The following BRAF variants were observed in gnomAD, a reference collection of about 807,000 sequenced individuals.
The protein encoded by BRAF is serine/threonine-protein kinase B-raf.
Under a neutral mutation model 104.6 loss-of-function variants are expected in BRAF, and 16 were observed. The observed-to-expected ratio is 0.15, with a 90% CI of 0.10 to 0.23. BRAF has a LOEUF of 0.23. Ranked by LOEUF, BRAF falls within the 10% of genes least tolerant of loss-of-function variation. BRAF has a pLI of 1.00. For synonymous variants in BRAF, 310 were observed against 341.6 expected, an observed-to-expected ratio of 0.91 and a Z score of 1.02; for missense variants, 541 against 937.3, an observed-to-expected ratio of 0.58 and a Z score of 5.52.
At chr7:140,728,600 T>C (rs576098950) in intron 19 of BRAF, among the ~76,000 whole-genome samples, 3 of 152,094 alleles carry the variant, frequency 2.0e-5, no homozygotes, top group East Asian at 1.9e-4. Flanking sequence ...AGTAAAACAT[T>C]TGGAGTATAA....
At chr7:140,809,612 C>T (rs1001672091) in intron 3 of BRAF, among the ~76,000 whole-genome samples, 5 of 152,162 alleles carry the variant, frequency 3.3e-5, no homozygotes, top group Non-Finnish European at 5.9e-5. Flanking sequence ...CCCATACCCC[C>T]GGCAAGAGCA....
At chr7:140,815,757 GA>G (rs1285173019) in intron 3 of BRAF, among the ~76,000 whole-genome samples, 3 of 150,942 alleles carry the variant, frequency 2.0e-5, no homozygotes, top group Non-Finnish European at 3.0e-5. Flanking sequence ...TTGTTTTAAA[GA>G]AAAAAAAATT....
chr7:140,793,715 T>C (rs1192747067), intron 8 of BRAF, among the ~76,000 whole-genome samples: 1 of 152,136 alleles, frequency 6.6e-6, no homozygotes, highest in African/African-American at 2.4e-5. Context: ...AGCCTTGACC[T>C]CCTGGGCTCA....
At chr7:140,882,246 C>T (rs1489796492) in intron 1 of BRAF, among the ~76,000 whole-genome samples, 2 of 152,044 alleles carry the variant, frequency 1.3e-5, no homozygotes, top group South Asian at 2.1e-4. Context: ...TACTTTTGCA[C>T]CAACCTAATA....
At chr7:140,778,436 T>C (rs529034714) in intron 12 of BRAF, among the ~76,000 whole-genome samples, 12 of 152,290 alleles carry the variant, frequency 7.9e-5, no homozygotes, top group African/African-American at 2.9e-4. Flanking sequence ...GCAAGTAATG[T>C]TGAAACTACA....
chr7:140,874,873 T>C (rs1236524250), intron 1 of BRAF, among the ~76,000 whole-genome samples: 2 of 152,174 alleles, frequency 1.3e-5, no homozygotes, highest in Non-Finnish European at 2.9e-5. Context: ...CTTAGTGCTG[T>C]CATTGTGATA....
At chr7:140,780,268 A>C (rs1365612596) in intron 12 of BRAF, 1 of 144,166 alleles carries the variant, frequency 6.9e-6, no homozygotes, top group African/African-American at 2.6e-5. Context: ...TTTTTAAGAC[A>C]GTCTCGCTGT....
chr7:140,886,908 T>C (rs1373518728), intron 1 of BRAF, among the ~76,000 whole-genome samples: 1 of 152,226 alleles, frequency 6.6e-6, no homozygotes, highest in African/African-American at 2.4e-5. Flanking sequence ...CATTATACTT[T>C]AGGATGTTTA....
chr7:140,898,186 G>A (rs1383289333), intron 1 of BRAF, among the ~76,000 whole-genome samples: 2 of 151,904 alleles, frequency 1.3e-5, no homozygotes, highest in African/African-American at 2.4e-5. Context: ...AAGAGTGGGA[G>A]GCTTGCCTCT....
At chr7:140,786,934 G>A (rs1801419268) in intron 9 of BRAF, among the ~76,000 whole-genome samples, 1 of 152,140 alleles carries the variant, frequency 6.6e-6, no homozygotes, top group South Asian at 2.1e-4. Context: ...GTAGTCTACG[G>A]CCATACCATC....
At chr7:140,785,159 C>T (rs1210151314) in intron 10 of BRAF, among the ~76,000 whole-genome samples, 1 of 152,022 alleles carries the variant, frequency 6.6e-6, no homozygotes, top group African/African-American at 2.4e-5. Flanking sequence ...AAAATATACA[C>T]ATCCCATATT....
chr7:140,769,661 GTTAT>G (rs1799653066), intron 14 of BRAF, among the ~76,000 whole-genome samples: 1 of 152,082 alleles, frequency 6.6e-6, no homozygotes, highest in Non-Finnish European at 1.5e-5. Context: ...GTGCCAATAT[GTTAT>G]TTATCAAGTC....
Position 140,721,001 on chromosome 7 carries a change from C to A in BRAF, c.*5493G>T. On this transcript the variant is annotated 3_prime_UTR_variant, in exon 20 of 20. Transcript: ENST00000644969. ...GGCCGGGAGAAGCAGATGGTTTGTA[C>A]AAACATTTTTTGATACTACCATGAA... The A allele has an allele frequency of 9.4e-7, 1 of 1,063,912 alleles. No individual in the cohort carries two copies. Among genetic ancestry groups the A allele is most frequent in the Non-Finnish European group, 1.1e-6 (1 of 878,500 alleles). The allele number at this position is 1,063,912 out of a possible 1,614,324, so 65.9% of individuals were successfully genotyped here.
At chr7:140,793,224 T>C (rs1164444244) in intron 8 of BRAF, among the ~76,000 whole-genome samples, 1 of 152,142 alleles carries the variant, frequency 6.6e-6, no homozygotes, top group Non-Finnish European at 1.5e-5. Flanking sequence ...AGGATGATAG[T>C]TTTCAAAGTA....
At chr7:140,887,627 G>A (rs1175189363) in intron 1 of BRAF, among the ~76,000 whole-genome samples, 1 of 152,128 alleles carries the variant, frequency 6.6e-6, no homozygotes, top group South Asian at 2.1e-4. Context: ...ACACCTGAGG[G>A]CCCATAGGAA....
chr7:140,751,492 T>C (rs1797784895), intron 16 of BRAF, among the ~76,000 whole-genome samples: 1 of 152,142 alleles, frequency 6.6e-6, no homozygotes, highest in Admixed American at 6.5e-5. Flanking sequence ...TAATTATTAA[T>C]TAAAAGTTAA....
At chr7:140,861,290 T>C (rs541360500) in intron 1 of BRAF, among the ~76,000 whole-genome samples, 2 of 152,292 alleles carry the variant, frequency 1.3e-5, no homozygotes, top group East Asian at 3.9e-4. Context: ...GGTGCAAACT[T>C]GTTCAGTTCT....
At chr7:140,893,187 C>T (rs1045838622) in intron 1 of BRAF, among the ~76,000 whole-genome samples, 2 of 151,540 alleles carry the variant, frequency 1.3e-5, no homozygotes, top group Non-Finnish European at 1.5e-5. Flanking sequence ...CTTTCTGAGA[C>T]AAGATGTCTG....
At chr7:140,875,055 G>A (rs185670193) in intron 1 of BRAF, among the ~76,000 whole-genome samples, 78 of 152,216 alleles carry the variant, frequency 5.1e-4, no homozygotes, top group African/African-American at 1.7e-3. Flanking sequence ...CGTACAGTCC[G>A]CAGAACCATG....
Sources: gnomAD v4.1 joint callset for allele counts (sites outside exome capture counted in the v4.1 genomes callset) on GRCh38, gnomAD v4.1.1 for gene constraint, MANE v1.5 for transcripts, NCBI Gene and HGNC (gene_info 2026-07-23, HGNC 2026-07-21) for gene names.